Variants in RP1 observed in about 807,000 individuals in gnomAD.
RP1 encodes the protein oxygen-regulated protein 1.
RP1 carries 16 observed loss-of-function variants against 14.8 expected under a neutral mutation model. The ratio of observed to expected loss-of-function variants is 1.08; its 90% CI spans 0.73 to 1.65. The LOEUF is 1.65. Ranked by LOEUF, RP1 falls within the 40% of genes most tolerant of loss-of-function variation. RP1 has a pLI of 0.00. For synonymous variants in RP1, 876 were observed against 883.6 expected (o/e 0.99, Z 0.15); for missense variants, 2,631 against 2,535.0 (o/e 1.04, Z -0.81).
chr8:54,840,882 A>C (rs1811775569), intron 25 of RP1, among the ~76,000 whole-genome samples: 1 of 152,230 alleles, frequency 6.6e-6, no homozygotes. Flanking sequence ...TGTAATAATG[A>C]TACTTACAGC....
At chr8:54,729,793 A>G (rs1808748023) in intron 17 of RP1, among the ~76,000 whole-genome samples, 1 of 152,056 alleles carries the variant, frequency 6.6e-6, no homozygotes, top group African/African-American at 2.4e-5. Context: ...GTAGCATAAC[A>G]TATTTACCTA....
upstream of RP1, among the ~76,000 whole-genome samples, chr8:54,613,674 G>C (rs1273654474): frequency 3.3e-5 from 5 of 152,118 alleles, no homozygotes; most frequent in African/African-American, 1.2e-4. Context: ...GTTCAAGAAA[G>C]GTTTCTGAGA....
At chr8:54,615,716 T>A (rs1805700471), upstream of RP1, among the ~76,000 whole-genome samples, 1 of 152,214 alleles carries the variant, frequency 6.6e-6, no homozygotes, top group Non-Finnish European at 1.5e-5. Flanking sequence ...TCTTTATTTT[T>A]AAATGATTAC....
chr8:54,639,396 T>A (rs1422774447), intron 3 of RP1, among the ~76,000 whole-genome samples: 1 of 152,220 alleles, frequency 6.6e-6, no homozygotes, highest in Non-Finnish European at 1.5e-5. Flanking sequence ...TCCAGTCTTC[T>A]TGCAGGACAT....
chr8:54,605,476 GA>G (rs1353729655), intron 1 of RP1, among the ~76,000 whole-genome samples: 4 of 152,076 alleles, frequency 2.6e-5, no homozygotes, highest in Non-Finnish European at 5.9e-5. Flanking sequence ...GTCAGTTTTG[GA>G]ATAGGTGTAG....
chr8:54,756,958 A>T (rs535570037), intron 21 of RP1, among the ~76,000 whole-genome samples: 2 of 152,264 alleles, frequency 1.3e-5, no homozygotes, highest in Admixed American at 1.3e-4. Flanking sequence ...ATTGGGTAGG[A>T]GATATAGTTG....
chr8:54,763,313 A>C (rs989111625), intron 22 of RP1, among the ~76,000 whole-genome samples: 5 of 152,222 alleles, frequency 3.3e-5, no homozygotes, highest in Non-Finnish European at 7.3e-5. Flanking sequence ...GGAGACAAGG[A>C]GTGCCAAAAG....
At chr8:54,840,548 T>G (rs1344776317) in intron 25 of RP1, among the ~76,000 whole-genome samples, 1 of 150,948 alleles carries the variant, frequency 6.6e-6, no homozygotes, top group East Asian at 1.9e-4. Context: ...ATACAACTCT[T>G]GTATTTCTTT....
At chr8:54,569,558 C>A (rs749854130) in intron 1 of RP1, among the ~76,000 whole-genome samples, 5 of 152,136 alleles carry the variant, frequency 3.3e-5, no homozygotes, top group Non-Finnish European at 1.5e-5. Flanking sequence ...TGTGAGTCTG[C>A]CACCCAAATG....
chr8:54,714,566 C>T (rs1163592915), intron 15 of RP1, among the ~76,000 whole-genome samples: 1 of 152,154 alleles, frequency 6.6e-6, no homozygotes, highest in Non-Finnish European at 1.5e-5. Flanking sequence ...CCTATGATTT[C>T]ATCCCTGACC....
At chr8:54,753,492 A>G (rs1221338701) in intron 19 of RP1, among the ~76,000 whole-genome samples, 4 of 152,318 alleles carry the variant, frequency 2.6e-5, no homozygotes, top group African/African-American at 9.6e-5. Context: ...GGTTATGTGT[A>G]AGCTATGAAG....
At chr8:54,722,355 C>G (rs1808557347) in intron 16 of RP1, among the ~76,000 whole-genome samples, 1 of 151,392 alleles carries the variant, frequency 6.6e-6, no homozygotes, top group Admixed American at 6.6e-5. Context: ...ACTGCAAGCT[C>G]CACCTCCCGG....
At chr8:54,845,233 G>C (rs572774372) in intron 25 of RP1, among the ~76,000 whole-genome samples, 1 of 152,296 alleles carries the variant, frequency 6.6e-6, no homozygotes, top group South Asian at 2.1e-4. Context: ...CAGAGTGCCT[G>C]GGAAGGTGGC....
chr8:54,743,812 G>T (rs938091658), intron 19 of RP1, among the ~76,000 whole-genome samples: 5 of 152,124 alleles, frequency 3.3e-5, no homozygotes, highest in Non-Finnish European at 5.9e-5. Flanking sequence ...GCAATTCAAA[G>T]AAGTTACTTT....
At chr8:54,869,010 C>G (rs532692479) in intron 28 of RP1, among the ~76,000 whole-genome samples, 2 of 152,174 alleles carry the variant, frequency 1.3e-5, no homozygotes, top group South Asian at 2.1e-4. Context: ...TGAATGCTTT[C>G]CAAGGAATAG....
chr8:54,600,029 G>A (rs575905454), intron 1 of RP1, among the ~76,000 whole-genome samples: 6 of 152,200 alleles, frequency 3.9e-5, no homozygotes, highest in Non-Finnish European at 8.8e-5. Context: ...GCAGGGATGG[G>A]ACTTCAGGCT....
intron 27 of RP1, among the ~76,000 whole-genome samples, chr8:54,858,404 A>G (rs1299205003): frequency 1.4e-5 from 2 of 144,882 alleles, no homozygotes; most frequent in East Asian, 2.1e-4. Context: ...CTGTAGAGCA[A>G]TGCCACTGTA....
chr8:54,797,877 T>A (rs1480433833), intron 24 of RP1, among the ~76,000 whole-genome samples: 2 of 102,944 alleles, frequency 1.9e-5, no homozygotes, highest in Non-Finnish European at 4.9e-5. Flanking sequence ...CCCAACCTTT[T>A]TTTTTTTTTT....
intron 24 of RP1, among the ~76,000 whole-genome samples, chr8:54,787,021 C>T (rs1022507614): frequency 6.6e-6 from 1 of 151,772 alleles, no homozygotes; most frequent in Non-Finnish European, 1.5e-5. Flanking sequence ...ATTCTCCTGA[C>T]CCAGTCATAG....
Sources: gnomAD v4.1 joint callset for allele counts (sites outside exome capture counted in the v4.1 genomes callset) on GRCh38, gnomAD v4.1.1 for gene constraint, MANE v1.5 for transcripts, NCBI Gene and HGNC (gene_info 2026-07-23, HGNC 2026-07-21) for gene names.